MED12L: variants seen among roughly 807,000 people sequenced by gnomAD.
MED12L encodes the protein mediator complex subunit 12L.
In MED12L, 60 loss-of-function variants were observed where a neutral mutation model predicts 281.3. The ratio of observed to expected loss-of-function variants is 0.21; its 90% CI spans 0.17 to 0.26. The LOEUF (loss-of-function observed/expected upper bound fraction) is 0.26, where lower values mean the gene tolerates loss of function less well. Among genes scored for constraint, MED12L ranks in the 10% least tolerant of loss-of-function variants. MED12L has a pLI of 1.00. For synonymous variants in MED12L, 974 were observed against 987.2 expected (o/e 0.99, Z 0.25); for missense variants, 2,146 against 2,680.9 (o/e 0.80, Z 4.41).
At chr3:151,413,917 C>T (rs1412999686) in intron 42 of MED12L, among the ~76,000 whole-genome samples, 3 of 151,662 alleles carry the variant, frequency 2.0e-5, no homozygotes, top group East Asian at 1.9e-4. Flanking sequence ...CCCTCTGTCA[C>T]CCAGGCTGGA....
At chr3:151,246,154 A>T (rs1735407136) in intron 16 of MED12L, among the ~76,000 whole-genome samples, 1 of 152,224 alleles carries the variant, frequency 6.6e-6, no homozygotes, top group Non-Finnish European at 1.5e-5. Flanking sequence ...TTCCATGCTC[A>T]TGGGTAGGAA....
At chr3:151,113,190 CA>C (rs1266779660) in intron 2 of MED12L, among the ~76,000 whole-genome samples, 1 of 152,010 alleles carries the variant, frequency 6.6e-6, no homozygotes, top group Non-Finnish European at 1.5e-5. Flanking sequence ...GAAATTTGAG[CA>C]AAAAGTTAAG....
At chr3:151,383,986 A>G in intron 34 of MED12L, 97 bp from the exon 35 acceptor site, 2 of 1,487,380 alleles carry the variant, frequency 1.3e-6, no homozygotes, top group South Asian at 2.4e-5. Context: ...ATTTACTTGG[A>G]TGCTATTAAA....
intron 4 of MED12L, among the ~76,000 whole-genome samples, chr3:151,127,031 T>G (rs1408897831): frequency 1.3e-5 from 2 of 152,196 alleles, no homozygotes; most frequent in African/African-American, 4.8e-5. Flanking sequence ...TTGTTCACTG[T>G]TTTTCTTCCT....
At chr3:151,380,552 G>C (rs984710102) in intron 32 of MED12L, among the ~76,000 whole-genome samples, 1 of 149,384 alleles carries the variant, frequency 6.7e-6, no homozygotes, top group East Asian at 2.0e-4. Context: ...AGCTGAGATC[G>C]CGCCATTGCA....
At chr3:151,131,029 G>T (rs914903141) in intron 5 of MED12L, among the ~76,000 whole-genome samples, 1 of 152,160 alleles carries the variant, frequency 6.6e-6, no homozygotes, top group African/African-American at 2.4e-5. Context: ...TTATGTTTGT[G>T]TGTGTGTGTG....
intron 16 of MED12L, among the ~76,000 whole-genome samples, chr3:151,279,050 G>A (rs1742374677): frequency 6.6e-6 from 1 of 152,188 alleles, no homozygotes; most frequent in South Asian, 2.1e-4. Flanking sequence ...TATAATTGGT[G>A]ATGTCCTGCA....
chr3:151,299,348 C>T (rs774080368), intron 16 of MED12L, among the ~76,000 whole-genome samples: 1 of 76,806 alleles, frequency 1.3e-5, no homozygotes, highest in Non-Finnish European at 3.0e-5. Context: ...TTCTTTCCTT[C>T]CTTCCTTCTT....
rs767951853 is a variant in MED12L at position 151,165,406 on chromosome 3, C to T, written c.1258-14C>T. Reference sequence around the variant, plus strand: ...ATTCCAAGCACAAGTTAATTAGAAGCGATTATCTTTCAGGTTCGGGCAAGG... The same window carrying T: ...ATTCCAAGCACAAGTTAATTAGAAGTGATTATCTTTCAGGTTCGGGCAAGG... On this transcript the variant is annotated splice_polypyrimidine_tract_variant and intron_variant, in intron 9 of 44. Coordinates refer to ENST00000687756, the MANE Select transcript of MED12L (RefSeq NM_001393769.1). 117 of 1,605,016 alleles carry T rather than the reference C, an allele frequency of 7.3e-5. No individual in the cohort carries two copies. Among genetic ancestry groups the T allele is most frequent in the African/African-American group, 1.3e-4 (10 of 74,670 alleles).
intron 16 of MED12L, among the ~76,000 whole-genome samples, chr3:151,205,807 G>A (rs1434668796): frequency 6.6e-6 from 1 of 152,160 alleles, no homozygotes; most frequent in East Asian, 1.9e-4. Flanking sequence ...GAGGCCATCA[G>A]GTCAATCCGG....
intron 16 of MED12L, chr3:151,328,056 T>C: frequency 2.5e-6 from 4 of 1,606,900 alleles, no homozygotes; most frequent in Non-Finnish European, 3.4e-6. Context: ...GTGGTCTTTC[T>C]CCCTTGCATA....
At chr3:151,170,071 A>G (rs1355352425) in intron 11 of MED12L, among the ~76,000 whole-genome samples, 1 of 152,146 alleles carries the variant, frequency 6.6e-6, no homozygotes, top group Non-Finnish European at 1.5e-5. Context: ...TTGTGTGTGT[A>G]ATCAGTTTCA....
chr3:151,376,630 A>G (rs1756886031), intron 28 of MED12L, among the ~76,000 whole-genome samples, 170 bp from the exon 29 acceptor site: 1 of 152,182 alleles, frequency 6.6e-6, no homozygotes, highest in African/African-American at 2.4e-5. Context: ...ATTGGTTTGT[A>G]TCGCTACTGA....
intron 16 of MED12L, chr3:151,219,390 C>G (rs529570108): frequency 6.0e-4 from 91 of 152,232 alleles, no homozygotes; most frequent in African/African-American, 2.1e-3. Flanking sequence ...TATACCATGA[C>G]CTATTTTCCT....
At chr3:151,384,886 G>A (rs963007485) in intron 35 of MED12L, 144 bp from the exon 36 acceptor site, 5 of 636,180 alleles carry the variant, frequency 7.9e-6, no homozygotes, top group South Asian at 7.3e-5. Flanking sequence ...GAACTGCCTT[G>A]TAGAACATGT....
At chr3:151,175,460 A>G (rs1274570359) in intron 11 of MED12L, among the ~76,000 whole-genome samples, 1 of 152,218 alleles carries the variant, frequency 6.6e-6, no homozygotes, top group Admixed American at 6.5e-5. Flanking sequence ...TGTTGCTGAT[A>G]GTAATAAGTC....
chr3:151,330,343 C>CT (rs1048669938), intron 16 of MED12L, among the ~76,000 whole-genome samples: 2 of 152,108 alleles, frequency 1.3e-5, no homozygotes, highest in Non-Finnish European at 2.9e-5. Flanking sequence ...TTTTAGAAAT[C>CT]TTTTTTGTAT....
chr3:151,320,084 T>C (rs1300712409), intron 16 of MED12L, among the ~76,000 whole-genome samples: 1 of 152,222 alleles, frequency 6.6e-6, no homozygotes, highest in Non-Finnish European at 1.5e-5. Flanking sequence ...GGTTTCTCCA[T>C]GGCATATGAC....
intron 16 of MED12L, among the ~76,000 whole-genome samples, chr3:151,276,463 T>C (rs1000331811): frequency 2.6e-5 from 4 of 152,210 alleles, no homozygotes; most frequent in African/African-American, 9.6e-5. Flanking sequence ...TATGCTTGTG[T>C]TGGTGTCAGC....
Sources: allele counts gnomAD v4.1 joint callset (sites outside exome capture counted in the v4.1 genomes callset), GRCh38; gene constraint gnomAD v4.1.1; transcripts MANE v1.5; gene names NCBI Gene and HGNC (gene_info 2026-07-23, HGNC 2026-07-21).